CCND1: variants seen among roughly 807,000 people sequenced by gnomAD.
The protein encoded by CCND1 is cyclin D1.
Under a neutral mutation model 26.1 loss-of-function variants are expected in CCND1, and 9 were observed. The ratio of observed to expected loss-of-function variants is 0.35; its 90% CI spans 0.21 to 0.60. The LOEUF (loss-of-function observed/expected upper bound fraction) is 0.60, where lower values mean the gene tolerates loss of function less well. Ranked by LOEUF, CCND1 falls within the 20% of genes least tolerant of loss-of-function variation. The pLI, the probability that CCND1 is intolerant of heterozygous loss-of-function variation, is 0.79. For synonymous variants in CCND1, 194 were observed against 166.1 expected, an observed-to-expected ratio of 1.17 and a Z score of -1.29; for missense variants, 335 against 392.9, an observed-to-expected ratio of 0.85 and a Z score of 1.25.
rs2120095281 is a variant in CCND1, at chr11:69,643,986, C to G, written c.569C>G (p.Ala190Gly). 1 of 1,613,272 alleles carries G rather than the reference C, an allele frequency of 6.2e-7. No individual in the cohort carries two copies. The highest frequency in any genetic ancestry group is 1.3e-5 in the African/African-American group (1 of 75,058). Reference protein sequence around the residue: ...KHAQTFVALCATDVKFISNPP... With the variant: ...KHAQTFVALCGTDVKFISNPP... Reference sequence around the variant, plus strand: ...GCGCAGACCTTCGTTGCCCTCTGTGCCACAGGTAGGGCAGGCCCGGCAGCC... The same window carrying G: ...GCGCAGACCTTCGTTGCCCTCTGTGGCACAGGTAGGGCAGGCCCGGCAGCC... Residue 190 changes from alanine to glycine, a missense_variant, in exon 3 of 5, where the codon GCC (alanine) becomes GGC (glycine). Coordinates refer to ENST00000227507, the MANE Select transcript of CCND1 (RefSeq NM_053056.3).
chr11:69,643,122 G>C lies in CCND1; in HGVS notation c.290G>C (p.Ser97Thr), dbSNP rs1855731178. 3 of 1,610,352 alleles carry C rather than the reference G, an allele frequency of 1.9e-6. No homozygotes were observed. The highest frequency in any genetic ancestry group is 2.5e-6 in the Non-Finnish European group (3 of 1,178,774). The stretch of plus-strand genomic sequence containing the variant: ...CTGTCGCTGGAGCCCGTGAAAAAGA[G>C]CCGCCTGCAGCTGCTGGGGGCCACT... Reference protein sequence around the residue: ...RFLSLEPVKKSRLQLLGATCM... With the variant: ...RFLSLEPVKKTRLQLLGATCM... The change falls in exon 2 of 5, where the codon AGC becomes ACC. Residue 97 changes from serine (S) to threonine (T), a missense_variant. Coordinates refer to ENST00000227507, the MANE Select transcript of CCND1 (RefSeq NM_053056.3).
At chr11:69,645,046 G>C (rs972206670) in intron 3 of CCND1, among the ~76,000 whole-genome samples, 1 of 152,214 alleles carries the variant, frequency 6.6e-6, no homozygotes, top group African/African-American at 2.4e-5. Flanking sequence ...AATGGGTTCT[G>C]GTTTAGGCGT....
At chr11:69,647,683 A>G (rs1855800711) in intron 3 of CCND1, among the ~76,000 whole-genome samples, 1 of 152,220 alleles carries the variant, frequency 6.6e-6, no homozygotes, top group African/African-American at 2.4e-5. Context: ...CAAGATGCTA[A>G]AAGGATGAGA....
At chr11:69,642,803 C>T (rs893837592) in intron 1 of CCND1, among the ~76,000 whole-genome samples, 2 of 151,966 alleles carry the variant, frequency 1.3e-5, no homozygotes, top group Admixed American at 1.3e-4. Context: ...CGCTCCCGCC[C>T]CCACCGTGCC....
rs1254786733 is a variant in CCND1 at position 69,648,364 on chromosome 11, G to GTCCC, written c.723+223_723+226dup. 130 of 556,250 alleles carry GTCCC rather than the reference G, an allele frequency of 2.3e-4. No individual in the cohort carries two copies. In the East Asian group the frequency reaches 3.4e-3, roughly 14 times the overall value. 34.5% of individuals were successfully genotyped at this position (556,250 alleles called of 1,614,324 possible). ...TGGGAGGTCCTCACAGCCTTCTCAC[G>GTCCC]TCCCCTGGGGCTTCCAGGAGCCGTA... On this transcript the variant is annotated intron_variant, in intron 4 of 4. Coordinates refer to ENST00000227507, the MANE Select transcript of CCND1 (RefSeq NM_053056.3).
chr11:69,651,091 C>A, intron 4 of CCND1, 27 bp from the exon 5 acceptor site: 1 of 1,603,156 alleles, frequency 6.2e-7, no homozygotes. Context: ...CCCCTCTTCC[C>A]ACCTCTCCCC....
In CCND1 at chr11:69,646,073, C is replaced by T. The variant is rs547370300; in HGVS notation, c.575-1921C>T. On this transcript the variant is annotated intron_variant, in intron 3 of 4. Transcript: ENST00000227507. ...AGCACCACACACTGGGGTGGGGGCACGAGCTTCTGAAACAACGTGGCCCCA... is the reference window on the plus strand; with the variant it reads ...AGCACCACACACTGGGGTGGGGGCATGAGCTTCTGAAACAACGTGGCCCCA... 3.3e-3 allele frequency among the ~76,000 whole-genome samples: 509 copies of T among 152,090 alleles called. 3 individuals carry two copies. The highest frequency in any genetic ancestry group is 5.0e-3 in the African/African-American group (208 of 41,508).
chr11:69,644,678 C>T (rs1855756519), intron 3 of CCND1, among the ~76,000 whole-genome samples: 1 of 152,238 alleles, frequency 6.6e-6, no homozygotes, highest in Non-Finnish European at 1.5e-5. Flanking sequence ...CCCTCCCTGA[C>T]ATGGCCTTGG....
chr11:69,642,909 A>G, intron 1 of CCND1, 122 bp from the exon 2 acceptor site: 1 of 532,240 alleles, frequency 1.9e-6, no homozygotes, highest in Non-Finnish European at 3.0e-6. Context: ...TGCCGCCCCC[A>G]GCCCCGACCC....
rs2120089065 is a variant in CCND1, at chr11:69,643,123, C to T, written c.291C>T (p.Ser97=). 1.2e-6 allele frequency: 2 copies of T among 1,610,242 alleles called. No individual in the cohort carries two copies. The stretch of plus-strand genomic sequence containing the variant: ...TGTCGCTGGAGCCCGTGAAAAAGAG[C>T]CGCCTGCAGCTGCTGGGGGCCACTT... ...RFLSLEPVKK[S]RLQLLGATCM... is the part of the protein sequence containing the mutation. The change falls in exon 2 of 5, where the codon AGC becomes AGT. Residue 97 remains serine (S), a synonymous_variant. Coordinates refer to ENST00000227507, the MANE Select transcript of CCND1 (RefSeq NM_053056.3).
At chr11:69,650,956 C>G (rs1247347321) in intron 4 of CCND1, among the ~76,000 whole-genome samples, 162 bp from the exon 5 acceptor site, 2 of 152,168 alleles carry the variant, frequency 1.3e-5, no homozygotes, top group Non-Finnish European at 2.9e-5. Flanking sequence ...GCTCCCACAT[C>G]TCGCTCAGGT....
rs1449765247 is a variant in CCND1, at chr11:69,643,199, A to C, written c.367A>C (p.Lys123Gln). 3 of 1,604,346 alleles carry C rather than the reference A, an allele frequency of 1.9e-6. No individual in the cohort carries two copies. In the African/African-American group the frequency reaches 4.0e-5, roughly 21 times the overall value. Residue 123 changes from lysine (K) to glutamine (Q), a missense_variant, in exon 2 of 5, where the codon AAG (lysine) becomes CAG (glutamine). Coordinates refer to ENST00000227507, the MANE Select transcript of CCND1 (RefSeq NM_053056.3). ...GGAGACCATCCCCCTGACGGCCGAG[A>C]AGCTGTGCATCTACACCGACAACTC... ...MKETIPLTAE[K>Q]LCIYTDNSIR... is the part of the protein sequence containing the mutation.
At chr11:69,650,683 C>T (rs1855842962) in intron 4 of CCND1, among the ~76,000 whole-genome samples, 1 of 152,232 alleles carries the variant, frequency 6.6e-6, no homozygotes, top group African/African-American at 2.4e-5. Context: ...GCCAGGTTCA[C>T]CTCAAGGGCT....
Position 69,643,961 on chromosome 11 carries a change from G to A in CCND1, c.544G>A (p.Ala182Thr), listed in dbSNP as rs2120094909. Residue 182 changes from alanine (A) to threonine (T), a missense_variant, in exon 3 of 5, where the codon GCG (alanine) becomes ACG (threonine). By Grantham distance (58) the Ala-to-Thr change is moderately conservative. Transcript: ENST00000227507. Reference sequence around the variant, plus strand: ...GAACAAACAGATCATCCGCAAACACGCGCAGACCTTCGTTGCCCTCTGTGC... The same window carrying A: ...GAACAAACAGATCATCCGCAAACACACGCAGACCTTCGTTGCCCTCTGTGC... ...EENKQIIRKH[A>T]QTFVALCATD... 6.2e-7 allele frequency: 1 copy of A among 1,613,424 alleles called. No individual in the cohort carries two copies. Among genetic ancestry groups the A allele is most frequent in the Non-Finnish European group, 8.5e-7 (1 of 1,180,002 alleles).
At chr11:69,644,898 C>A (rs1855759075) in intron 3 of CCND1, among the ~76,000 whole-genome samples, 1 of 152,188 alleles carries the variant, frequency 6.6e-6, no homozygotes, top group Non-Finnish European at 1.5e-5. Context: ...TGGGGGCTCA[C>A]TCTGGGTGAC....
At chr11:69,641,604 C>T (rs1855701222) in intron 1 of CCND1, 93 bp downstream of exon 1, 2 of 1,234,396 alleles carry the variant, frequency 1.6e-6, no homozygotes, top group African/African-American at 1.5e-5. Flanking sequence ...CCTTCTCTCC[C>T]GCTAGAACTT....
intron 3 of CCND1, among the ~76,000 whole-genome samples, chr11:69,645,600 C>T (rs1285678297): frequency 6.6e-6 from 1 of 152,192 alleles, no homozygotes; most frequent in Admixed American, 6.5e-5. Context: ...GCAAAGTGCT[C>T]CGGGTCCTGA....
chr11:69,651,007 A>T, intron 4 of CCND1, 111 bp from the exon 5 acceptor site: 3 of 986,096 alleles, frequency 3.0e-6, no homozygotes, highest in African/African-American at 1.7e-5. Flanking sequence ...TTTTTGGCTT[A>T]GTCTTGCTCT....
intron 1 of CCND1, 21 bp downstream of exon 1, chr11:69,641,532 C>T (rs1292751820): frequency 6.2e-7 from 1 of 1,608,958 alleles, no homozygotes; most frequent in Admixed American, 1.7e-5. Context: ...TCGGGCGGCT[C>T]TCTTAAGACT....
Sources: gnomAD v4.1 joint callset for allele counts (sites outside exome capture counted in the v4.1 genomes callset) on GRCh38, gnomAD v4.1.1 for gene constraint, MANE v1.5 for transcripts, NCBI Gene and HGNC (gene_info 2026-07-23, HGNC 2026-07-21) for gene names.